MRPL22: variants seen among roughly 807,000 people sequenced by gnomAD.
MRPL22 encodes the protein large ribosomal subunit protein uL22m.
MRPL22 carries 27 observed loss-of-function variants against 32.4 expected under a neutral mutation model. The ratio of observed to expected loss-of-function variants is 0.83; its 90% CI spans 0.61 to 1.15. MRPL22 has a LOEUF of 1.15. Among genes scored for constraint, MRPL22 ranks in the 50% most tolerant of loss-of-function variants. MRPL22 has a pLI of 0.00. For missense variants in MRPL22, 239 were observed against 260.2 expected, an observed-to-expected ratio of 0.92 and a Z score of 0.56; for synonymous variants, 86 against 87.3, an observed-to-expected ratio of 0.99 and a Z score of 0.08.
At chr5:154,951,074 TTA>T in intron 3 of MRPL22, 136 bp downstream of exon 3, 1 of 641,054 alleles carries the variant, frequency 1.6e-6, no homozygotes, top group South Asian at 2.0e-5. Flanking sequence ...TGTACTAGAT[TTA>T]TCTCTTCAAT....
intron 3 of MRPL22, among the ~76,000 whole-genome samples, chr5:154,953,681 C>CTTTT (rs772873962): frequency 9.3e-5 from 10 of 107,100 alleles, no homozygotes; most frequent in East Asian, 2.5e-4. Context: ...CTAGTAAGAA[C>CTTTT]TTTTTTTTTT....
intron 4 of MRPL22, 97 bp downstream of exon 4, chr5:154,956,533 A>G: frequency 1.3e-6 from 1 of 767,146 alleles, no homozygotes; most frequent in Non-Finnish European, 2.2e-6. Flanking sequence ...AAAAATAAAA[A>G]AGATTTGTGA....
At chr5:154,956,335 C>T in intron 3 of MRPL22, 36 bp from the exon 4 acceptor site, 6 of 1,459,176 alleles carry the variant, frequency 4.1e-6, no homozygotes, top group Non-Finnish European at 5.8e-6. Context: ...AACCTGCTAA[C>T]ATTTTCTTTC....
At chr5:154,962,802 A>G (rs561182950) in intron 6 of MRPL22, among the ~76,000 whole-genome samples, 12 of 152,348 alleles carry the variant, frequency 7.9e-5, no homozygotes, top group African/African-American at 1.7e-4. Flanking sequence ...AAAGTGATCA[A>G]CTGACCTTGT....
Position 154,950,932 on chromosome 5 carries a change from A to G in MRPL22, c.189A>G (p.Arg63=). The G allele has an allele frequency of 6.3e-7, 1 of 1,597,384 alleles. No homozygotes were observed. Among genetic ancestry groups the G allele is most frequent in the Non-Finnish European group, 8.6e-7 (1 of 1,165,456 alleles). Residue 63 remains arginine (R), a synonymous_variant, in exon 3 of 7, where the codon AGA becomes AGG. Coordinates refer to ENST00000523037, the MANE Select transcript of MRPL22 (RefSeq NM_014180.4). ...CACAACTGCCTGGAGAACCTCGGAGACCAGCAGTAAGTTCGTGGGTAGAAC... is the reference window on the plus strand; with the variant it reads ...CACAACTGCCTGGAGAACCTCGGAGGCCAGCAGTAAGTTCGTGGGTAGAAC... ...YPPQLPGEPR[R]PAEIYHCRRQ...
chr5:154,948,313 C>A lies in MRPL22; in HGVS notation c.78-2508C>A, dbSNP rs550283122. On this transcript the variant is annotated intron_variant, in intron 2 of 6. Coordinates refer to ENST00000523037, the MANE Select transcript of MRPL22 (RefSeq NM_014180.4). ...ATTAAATATCCATTTGATATTTAAA[C>A]TTCCAATGGCTTCGTAACTGTCATA... Among the ~76,000 whole-genome samples the A allele has an allele frequency of 4.6e-5, 7 of 152,270 alleles. No homozygotes were observed. In the East Asian group the frequency reaches 7.7e-4, roughly 17 times the overall value.
chr5:154,949,744 A>T (rs1401405555), intron 2 of MRPL22, among the ~76,000 whole-genome samples: 1 of 152,128 alleles, frequency 6.6e-6, no homozygotes, highest in Non-Finnish European at 1.5e-5. Context: ...GACTAGTTGT[A>T]TATTATTAAA....
chr5:154,963,736 C>A (rs545682718), intron 6 of MRPL22, among the ~76,000 whole-genome samples: 2 of 152,066 alleles, frequency 1.3e-5, no homozygotes, highest in African/African-American at 4.8e-5. Context: ...ATAAAGACAG[C>A]ATATGATTTG....
At chr5:154,958,538 CTTT>C (rs201113350) in intron 5 of MRPL22, among the ~76,000 whole-genome samples, 81 of 83,272 alleles carry the variant, frequency 9.7e-4, no homozygotes, top group African/African-American at 3.0e-3. Context: ...TGACAATTGT[CTTT>C]TTTTTTTTTT....
chr5:154,952,064 G>A (rs1392462444), intron 3 of MRPL22, among the ~76,000 whole-genome samples: 8 of 151,880 alleles, frequency 5.3e-5, no homozygotes, highest in Non-Finnish European at 1.0e-4. Context: ...TGTATTTTTA[G>A]TAGAGACGGG....
chr5:154,958,753 G>A (rs1378507249), intron 5 of MRPL22, among the ~76,000 whole-genome samples: 1 of 151,562 alleles, frequency 6.6e-6, no homozygotes, highest in Non-Finnish European at 1.5e-5. Context: ...CACCATGTTG[G>A]CCAGGATGGT....
In MRPL22 at chr5:154,967,063, G is replaced by A; in HGVS notation, c.*166G>A. The A allele has an allele frequency of 1.2e-6, 1 of 800,298 alleles. No homozygotes were observed. The highest frequency in any genetic ancestry group is 2.7e-5 in the East Asian group (1 of 36,672). The allele number at this position is 800,298 out of a possible 1,614,324, so 49.6% of individuals were successfully genotyped here. A position where few individuals can be genotyped will look rare whatever the true frequency, so the allele number is the denominator to read the frequency against. ...ATAAGGCTTTGCCCATTTCTTTTGA[G>A]CCTCTGGGCATATTTGTATGCATTT... On this transcript the variant is annotated 3_prime_UTR_variant, in exon 7 of 7. Transcript: ENST00000523037. The surrounding 1 kb of genome is among the most constrained non-coding windows in gnomAD (Gnocchi z 4.7).
chr5:154,950,870 C>G lies in MRPL22; in HGVS notation c.127C>G (p.Arg43Gly). Residue 43 changes from arginine (R) to glycine (G), a missense_variant, in exon 3 of 7, where the codon CGA becomes GGA. Physicochemically the swap from Arg to Gly is moderately radical, Grantham distance 125. Transcript: ENST00000523037. ...IHTSASLDISRKWEKKNKIVY... is the reference protein window; with the variant it reads ...IHTSASLDISGKWEKKNKIVY... ...CACAAGTGCTTCTCTTGACATTTCT[C>G]GAAAATGGGAGAAGAAGAATAAAAT... 1.2e-6 allele frequency: 2 copies of G among 1,613,800 alleles called. No individual in the cohort carries two copies. Among genetic ancestry groups the G allele is most frequent in the South Asian group, 1.1e-5 (1 of 91,074 alleles).
chr5:154,960,818 TCACTA>T (rs1166215829), intron 6 of MRPL22, among the ~76,000 whole-genome samples: 1 of 152,202 alleles, frequency 6.6e-6, no homozygotes, highest in Non-Finnish European at 1.5e-5. Flanking sequence ...TATTTTTTTC[TCACTA>T]CAGCAATTAC....
intron 2 of MRPL22, among the ~76,000 whole-genome samples, chr5:154,942,352 TTTA>T (rs1490152428): frequency 6.6e-6 from 1 of 152,234 alleles, no homozygotes; most frequent in Non-Finnish European, 1.5e-5. Flanking sequence ...CATTAATGTT[TTTA>T]TTATTATAAA....
At chr5:154,944,338 C>T (rs896169570) in intron 2 of MRPL22, among the ~76,000 whole-genome samples, 7 of 152,166 alleles carry the variant, frequency 4.6e-5, no homozygotes, top group Non-Finnish European at 8.8e-5. Context: ...AAGTGATCTT[C>T]CCACCTCAGG....
intron 2 of MRPL22, among the ~76,000 whole-genome samples, chr5:154,944,157 C>T (rs1330242943): frequency 1.3e-5 from 2 of 152,140 alleles, no homozygotes; most frequent in East Asian, 3.8e-4. Flanking sequence ...GGGGTTTCAC[C>T]ATGTTGGCCA....
At chr5:154,944,857 C>T (rs900443831) in intron 2 of MRPL22, among the ~76,000 whole-genome samples, 2 of 152,146 alleles carry the variant, frequency 1.3e-5, no homozygotes, top group Non-Finnish European at 2.9e-5. Context: ...AAACAGCATT[C>T]TGTGCAGATA....
In MRPL22 at chr5:154,966,932, G is replaced by T. The variant is rs756382784; in HGVS notation, c.*35G>T. On this transcript the variant is annotated 3_prime_UTR_variant, in exon 7 of 7. Coordinates refer to ENST00000523037, the MANE Select transcript of MRPL22 (RefSeq NM_014180.4). Reference sequence around the variant, plus strand: ...TCAGACTCCACAGTGTATATATTTTGCCATTTATTTTCTAAAAATAAACAA... The same window carrying T: ...TCAGACTCCACAGTGTATATATTTTTCCATTTATTTTCTAAAAATAAACAA... The T allele has an allele frequency of 1.3e-6, 2 of 1,528,182 alleles. No individual in the cohort carries two copies. The highest frequency in any genetic ancestry group is 2.5e-5 in the South Asian group (2 of 81,390). 94.7% of individuals were successfully genotyped at this position (1,528,182 alleles called of 1,614,324 possible).
Sources: gnomAD v4.1 joint callset for allele counts (sites outside exome capture counted in the v4.1 genomes callset) on GRCh38, gnomAD v4.1.1 for gene constraint, Gnocchi (gnomAD v3.1) non-coding constraint, MANE v1.5 for transcripts, NCBI Gene and HGNC (gene_info 2026-07-23, HGNC 2026-07-21) for gene names.